DGKB: variants seen among roughly 807,000 people sequenced by gnomAD.
DGKB encodes diacylglycerol kinase beta, also known as 90 kDa diacylglycerol kinase.
A neutral mutation model predicts 114.3 loss-of-function variants in DGKB; 67 were observed. That is an observed-to-expected ratio of 0.59 (90% CI 0.48 to 0.72). The LOEUF (loss-of-function observed/expected upper bound fraction) is 0.72. Among genes scored for constraint, DGKB ranks in the 30% least tolerant of loss-of-function variants. DGKB has a pLI of 0.00. For synonymous variants in DGKB, 398 were observed against 323.1 expected (o/e 1.23, Z -2.49); for missense variants, 907 against 975.2 (o/e 0.93, Z 0.93).
chr7:14,313,335 T>A (rs377325484), intron 23 of DGKB, among the ~76,000 whole-genome samples: 1 of 151,904 alleles, frequency 6.6e-6, no homozygotes, highest in East Asian at 1.9e-4. Flanking sequence ...AGAAGACGGG[T>A]GATTTCTGCA....
chr7:14,596,355 C>T (rs2128753590), intron 17 of DGKB, among the ~76,000 whole-genome samples: 2 of 152,288 alleles, frequency 1.3e-5, no homozygotes, highest in East Asian at 1.9e-4. Context: ...GAACTTTGTA[C>T]ATTTCAAACC....
intron 20 of DGKB, among the ~76,000 whole-genome samples, chr7:14,533,796 T>C (rs1791985422): frequency 6.6e-6 from 1 of 151,916 alleles, no homozygotes; most frequent in African/African-American, 2.4e-5. Flanking sequence ...CAAAAAATTG[T>C]CAACCAAAAG....
At chr7:14,245,227 G>GA (rs1379470748) in intron 23 of DGKB, among the ~76,000 whole-genome samples, 31 of 152,058 alleles carry the variant, frequency 2.0e-4, no homozygotes, top group African/African-American at 7.5e-4. Context: ...AATAATAAGA[G>GA]AAAAGACTAC....
chr7:14,380,042 C>G (rs1819189397), intron 21 of DGKB, among the ~76,000 whole-genome samples: 2 of 152,140 alleles, frequency 1.3e-5, no homozygotes, highest in South Asian at 4.1e-4. Context: ...CTGGTGGAAA[C>G]TCTATACTAA....
chr7:14,771,258 A>C (rs1476012269), intron 2 of DGKB, among the ~76,000 whole-genome samples: 2 of 152,154 alleles, frequency 1.3e-5, no homozygotes, highest in Non-Finnish European at 2.9e-5. Context: ...ATAGCTAAGA[A>C]GGTATACAAG....
In DGKB at chr7:14,495,807, C is replaced by T. The variant is rs563492007; in HGVS notation, c.1771-17582G>A. 4.6e-5 allele frequency among the ~76,000 whole-genome samples: 7 copies of T among 151,586 alleles called. No individual in the cohort carries two copies. The East Asian group carries it at 5.8e-4, about 13-fold the overall frequency. ...CTAGACAAAGATTCCCAAGACAAAA[C>T]GAAAACAATAAAGCTTAGTATAACC... On this transcript the variant is annotated intron_variant, in intron 20 of 25. Coordinates refer to ENST00000402815, the MANE Select transcript of DGKB (RefSeq NM_001350709.2).
intron 5 of DGKB, among the ~76,000 whole-genome samples, chr7:14,720,770 G>C (rs1052082206): frequency 3.3e-5 from 5 of 150,060 alleles, no homozygotes; most frequent in African/African-American, 1.2e-4. Flanking sequence ...TTTAATAGAA[G>C]TATCAGTGTA....
intron 2 of DGKB, among the ~76,000 whole-genome samples, chr7:14,782,827 TTA>T (rs35531994): frequency 1.6e-4 from 24 of 149,484 alleles, no homozygotes; most frequent in Admixed American, 2.0e-4. Context: ...GCTCACATGA[TTA>T]TATATATATA....
At chr7:14,751,395 T>G (rs1834103445) in intron 4 of DGKB, among the ~76,000 whole-genome samples, 1 of 152,216 alleles carries the variant, frequency 6.6e-6, no homozygotes, top group African/African-American at 2.4e-5. Flanking sequence ...TGTTTATTTA[T>G]TTCCCAAATG....
At chr7:14,479,120 C>A (rs1782623033) in intron 20 of DGKB, among the ~76,000 whole-genome samples, 1 of 152,052 alleles carries the variant, frequency 6.6e-6, no homozygotes. Context: ...AATATATTTA[C>A]CAGTCATCTC....
At chr7:14,790,489 C>T (rs1461642473) in intron 2 of DGKB, among the ~76,000 whole-genome samples, 1 of 129,340 alleles carries the variant, frequency 7.7e-6, no homozygotes, top group Admixed American at 7.4e-5. Flanking sequence ...ACAATTTAGG[C>T]TCATTTTTTT....
At chr7:14,233,695 A>G (rs1486231279) in intron 23 of DGKB, among the ~76,000 whole-genome samples, 1 of 152,058 alleles carries the variant, frequency 6.6e-6, no homozygotes, top group East Asian at 1.9e-4. Flanking sequence ...GAAAGGGCGG[A>G]CAGGTAGTCC....
intron 8 of DGKB, 112 bp downstream of exon 8, chr7:14,697,979 AAGAG>A (rs1310662770): frequency 1.7e-5 from 11 of 649,586 alleles, no homozygotes; most frequent in South Asian, 3.6e-5. Flanking sequence ...GAAAGAAAGA[AAGAG>A]AGAGAGAAAG....
chr7:14,263,327 T>A (rs1481071178), intron 23 of DGKB, among the ~76,000 whole-genome samples: 1 of 152,190 alleles, frequency 6.6e-6, no homozygotes, highest in Non-Finnish European at 1.5e-5. Flanking sequence ...GCTATAGCTC[T>A]CTTTAAAATA....
chr7:14,708,783 T>A (rs1265852233), intron 6 of DGKB, among the ~76,000 whole-genome samples: 2 of 149,868 alleles, frequency 1.3e-5, no homozygotes, highest in African/African-American at 2.5e-5. Context: ...TGAAACTGGA[T>A]CCCTTCCTTA....
chr7:14,461,399 G>A (rs1218177331), intron 21 of DGKB, among the ~76,000 whole-genome samples: 1 of 151,002 alleles, frequency 6.6e-6, no homozygotes, highest in African/African-American at 2.4e-5. Context: ...CAAATAGACA[G>A]AGTAAAAAAT....
intron 6 of DGKB, among the ~76,000 whole-genome samples, chr7:14,707,143 C>A (rs1370430335): frequency 7.4e-6 from 1 of 134,876 alleles, no homozygotes; most frequent in Non-Finnish European, 1.6e-5. Context: ...ATATCACCAC[C>A]GATTCCACAG....
At chr7:14,697,450 C>T (rs149757649) in intron 8 of DGKB, among the ~76,000 whole-genome samples, 63 of 152,180 alleles carry the variant, frequency 4.1e-4, no homozygotes, top group African/African-American at 1.4e-3. Context: ...CTATCAGGAC[C>T]TTCTGCTTAT....
At chr7:14,498,973 T>C (rs1188691277) in intron 20 of DGKB, among the ~76,000 whole-genome samples, 1 of 151,630 alleles carries the variant, frequency 6.6e-6, no homozygotes, top group Non-Finnish European at 1.5e-5. Flanking sequence ...TTTGAAAGTA[T>C]GAAGGTAAAG....
Sources: allele counts gnomAD v4.1 joint callset (sites outside exome capture counted in the v4.1 genomes callset), GRCh38; gene constraint gnomAD v4.1.1; transcripts MANE v1.5; gene names NCBI Gene and HGNC (gene_info 2026-07-23, HGNC 2026-07-21).